KCNMA1: variants seen among roughly 807,000 people sequenced by gnomAD.
The protein encoded by KCNMA1 is Calcium-activated potassium channel subunit alpha-1.
In KCNMA1, 29 loss-of-function variants were observed where a neutral mutation model predicts 140.0. The observed-to-expected ratio is 0.21, with a 90% CI of 0.15 to 0.28. The LOEUF is 0.28. KCNMA1 is among the 10% of genes least tolerant of loss of function. The pLI is 1.00. For missense variants in KCNMA1, 880 were observed against 1,602.2 expected (o/e 0.55, Z 7.70); for synonymous variants, 612 against 611.9 (o/e 1.00, Z 0.00).
chr10:77,224,959 A>G (rs761956458), intron 3 of KCNMA1, among the ~76,000 whole-genome samples: 1 of 152,200 alleles, frequency 6.6e-6, no homozygotes. Context: ...ACCATGTGAG[A>G]CCAGGAGCCC....
intron 2 of KCNMA1, among the ~76,000 whole-genome samples, chr10:77,312,001 C>A (rs1442534741): frequency 6.6e-6 from 1 of 152,224 alleles, no homozygotes; most frequent in African/African-American, 2.4e-5. Flanking sequence ...TCCCACCTCA[C>A]TGATGTTGTT....
At chr10:77,487,354 A>C (rs112849148) in intron 1 of KCNMA1, among the ~76,000 whole-genome samples, 1 of 152,216 alleles carries the variant, frequency 6.6e-6, no homozygotes, top group African/African-American at 2.4e-5. Context: ...TCGCAAGTCA[A>C]CTGGGGAAAA....
chr10:77,287,924 T>C (rs529341557), intron 2 of KCNMA1, among the ~76,000 whole-genome samples: 1 of 152,308 alleles, frequency 6.6e-6, no homozygotes, highest in African/African-American at 2.4e-5. Flanking sequence ...TCTGGAACAA[T>C]TTGATGGAAA....
intron 25 of KCNMA1, 137 bp from the exon 26 acceptor site, chr10:76,891,856 G>A (rs1249181937): frequency 1.5e-5 from 11 of 743,534 alleles, no homozygotes; most frequent in Non-Finnish European, 2.6e-5. Context: ...AATTTCATGT[G>A]GGGAGTGAAA....
chr10:77,022,034 A>T (rs916508371), intron 16 of KCNMA1, among the ~76,000 whole-genome samples: 1 of 152,208 alleles, frequency 6.6e-6, no homozygotes, highest in Admixed American at 6.5e-5. Flanking sequence ...TAAAAAGACA[A>T]GGATTCTGGA....
intron 16 of KCNMA1, among the ~76,000 whole-genome samples, chr10:77,026,153 G>A (rs945691844): frequency 3.9e-4 from 60 of 152,214 alleles, no homozygotes; most frequent in African/African-American, 1.3e-3. Flanking sequence ...GTGACATTGA[G>A]TTCACAATGA....
intron 19 of KCNMA1, among the ~76,000 whole-genome samples, chr10:76,972,484 G>A (rs1385241691): frequency 6.6e-6 from 1 of 152,148 alleles, no homozygotes; most frequent in African/African-American, 2.4e-5. Context: ...TGGTTAAGTG[G>A]CCATTATCTT....
chr10:76,873,414 A>G (rs2031755690), downstream of KCNMA1: 1 of 152,218 alleles, frequency 6.6e-6, no homozygotes, highest in Non-Finnish European at 1.5e-5. Flanking sequence ...TATATGCTAA[A>G]TCATCTCTGC....
rs61867054 is a variant in KCNMA1 at position 77,222,861 on chromosome 10, T to C, written c.602+28334A>G. Among the ~76,000 whole-genome samples the C allele has an allele frequency of 4.7e-3, 723 of 152,316 alleles. 6 individuals are homozygous for C. Among genetic ancestry groups the C allele is most frequent in the South Asian group, 9.3e-3 (45 of 4,824 alleles). ...CTACATATCTGATTTTATATTATGA[T>C]TGTATTGTGGGGCATGCTACTGCAG... On this transcript the variant is annotated intron_variant, in intron 3 of 27. Coordinates refer to ENST00000286628, the MANE Select transcript of KCNMA1 (RefSeq NM_001161352.2).
chr10:77,150,341 C>CA lies in KCNMA1; in HGVS notation c.809-29294dup, dbSNP rs1376905852. 2.0e-5 allele frequency among the ~76,000 whole-genome samples: 3 copies of CA among 152,142 alleles called. No homozygotes were observed. The East Asian group carries it at 5.8e-4, about 29-fold the overall frequency. On this transcript the variant is annotated intron_variant, in intron 5 of 27. Coordinates refer to ENST00000286628, the MANE Select transcript of KCNMA1 (RefSeq NM_001161352.2). The stretch of plus-strand genomic sequence containing the variant: ...ATTCTTGTAGCCATTTCACTGACAA[C>CA]ATGAGGGGCCAACAGAAGAAATAAA...
rs1431240851 is a variant in KCNMA1 at position 77,573,627 on chromosome 10, GGAATGGAATGGAATGGAATA to G, written c.378+63618_378+63637del. ...TTAAGAAAATGGAATGGAATGGAAT[GGAATGGAATGGAATGGAATA>G]GAATAGAATAGAATAGAATAGAATA... is the stretch of plus-strand genomic sequence containing the variant. On this transcript the variant is annotated intron_variant, in intron 1 of 27. Transcript: ENST00000286628. Among the ~76,000 whole-genome samples the G allele has an allele frequency of 9.3e-3, 812 of 87,292 alleles. 3 individuals carry two copies. The highest frequency in any genetic ancestry group is 0.013 in the Non-Finnish European group (572 of 45,128). The allele number at this position is 87,292 out of a possible 152,430, so 57.3% of individuals were successfully genotyped here. A position where few individuals can be genotyped will look rare whatever the true frequency, so the allele number is the denominator to read the frequency against.
At chr10:76,888,862 C>A (rs561370190) in intron 27 of KCNMA1, among the ~76,000 whole-genome samples, 1 of 151,918 alleles carries the variant, frequency 6.6e-6, no homozygotes. Flanking sequence ...GTCAGGAGTT[C>A]GAGACCAGCC....
chr10:77,527,295 C>A (rs1235845764), intron 1 of KCNMA1, among the ~76,000 whole-genome samples: 1 of 152,252 alleles, frequency 6.6e-6, no homozygotes, highest in Non-Finnish European at 1.5e-5. Flanking sequence ...AGCCAGGCCA[C>A]CCCCTTCCCC....
chr10:77,255,912 C>A (rs1403181291), intron 2 of KCNMA1, among the ~76,000 whole-genome samples: 89 of 117,390 alleles, frequency 7.6e-4, no homozygotes, highest in Non-Finnish European at 1.1e-3. Context: ...GACTCCATCT[C>A]AAAAAAAAAA....
intron 1 of KCNMA1, among the ~76,000 whole-genome samples, chr10:77,470,220 C>T (rs1358340316): frequency 6.6e-6 from 1 of 152,100 alleles, no homozygotes; most frequent in East Asian, 1.9e-4. Context: ...CTATGCCAAT[C>T]CTGGGGGAGG....
chr10:76,929,788 G>A (rs1457362532), intron 23 of KCNMA1, among the ~76,000 whole-genome samples: 1 of 152,158 alleles, frequency 6.6e-6, no homozygotes, highest in African/African-American at 2.4e-5. Flanking sequence ...GCAATGTGCA[G>A]CTAAGGTTGA....
intron 5 of KCNMA1, among the ~76,000 whole-genome samples, chr10:77,139,045 C>T (rs1471408537): frequency 6.6e-6 from 1 of 152,238 alleles, no homozygotes; most frequent in Non-Finnish European, 1.5e-5. Flanking sequence ...AGGTGTCTCA[C>T]TCACTGGCTC....
intron 1 of KCNMA1, among the ~76,000 whole-genome samples, chr10:77,509,206 C>T (rs954576113): frequency 2.0e-5 from 3 of 152,036 alleles, no homozygotes; most frequent in Admixed American, 6.6e-5. Context: ...CTGCAACCTC[C>T]GCCTCCCAGC....
chr10:77,354,316 T>G (rs2093262077), intron 2 of KCNMA1: 1 of 152,260 alleles, frequency 6.6e-6, no homozygotes, highest in Non-Finnish European at 1.5e-5. Context: ...CTCCAACCAC[T>G]CAGTCTTTTC....
Sources: allele counts gnomAD v4.1 joint callset (sites outside exome capture counted in the v4.1 genomes callset), GRCh38; gene constraint gnomAD v4.1.1; transcripts MANE v1.5; gene names NCBI Gene and HGNC (gene_info 2026-07-23, HGNC 2026-07-21).